EHBP1: variants seen among roughly 807,000 people sequenced by gnomAD.
EHBP1 encodes the protein EH domain binding protein 1, also known as EH domain-binding protein 1.
A neutral mutation model predicts 144.0 loss-of-function variants in EHBP1; 55 were observed. The ratio of observed to expected loss-of-function variants is 0.38; its 90% CI spans 0.31 to 0.48. The LOEUF (loss-of-function observed/expected upper bound fraction) is 0.48, where lower values mean the gene tolerates loss of function less well. Among genes scored for constraint, EHBP1 ranks in the 20% least tolerant of loss-of-function variants. The probability of loss-of-function intolerance (pLI) is 0.98; values close to 1 mark genes in which losing one functional copy is unlikely to be tolerated. For synonymous variants in EHBP1, 469 were observed against 472.7 expected (o/e 0.99, Z 0.10); for missense variants, 1,200 against 1,364.2 (o/e 0.88, Z 1.90).
At chr2:62,713,931 G>A (rs1292179082) in intron 2 of EHBP1, among the ~76,000 whole-genome samples, 2 of 151,988 alleles carry the variant, frequency 1.3e-5, no homozygotes, top group Admixed American at 1.3e-4. Flanking sequence ...TTCAATTGTG[G>A]TGGGTTCTTT....
chr2:62,913,572 G>A (rs1388944710), intron 10 of EHBP1, among the ~76,000 whole-genome samples: 1 of 152,166 alleles, frequency 6.6e-6, no homozygotes, highest in Non-Finnish European at 1.5e-5. Flanking sequence ...GTACTTGTTA[G>A]TCATTTGGTG....
At chr2:62,812,570 A>G (rs1022103791) in intron 5 of EHBP1, among the ~76,000 whole-genome samples, 1 of 152,168 alleles carries the variant, frequency 6.6e-6, no homozygotes, top group African/African-American at 2.4e-5. Context: ...AGTAAAGGCT[A>G]TTCTGAGGAG....
intron 3 of EHBP1, among the ~76,000 whole-genome samples, chr2:62,754,435 G>A (rs945134064): frequency 1.3e-5 from 2 of 152,188 alleles, no homozygotes; most frequent in African/African-American, 4.8e-5. Context: ...GCTACTCGGG[G>A]TTTAGGGACC....
intron 2 of EHBP1, among the ~76,000 whole-genome samples, chr2:62,745,129 T>C (rs944610218): frequency 1.3e-5 from 2 of 152,052 alleles, no homozygotes; most frequent in Non-Finnish European, 2.9e-5. Context: ...AATTAACCAA[T>C]TGGGAGTTCC....
intron 19 of EHBP1, among the ~76,000 whole-genome samples, chr2:63,009,210 G>A (rs1201649028): frequency 6.6e-6 from 1 of 151,632 alleles, no homozygotes; most frequent in Non-Finnish European, 1.5e-5. Context: ...ATTCCCAAGA[G>A]AATACTTTAC....
At chr2:62,878,033 TAATG>T (rs1472916112) in intron 10 of EHBP1, among the ~76,000 whole-genome samples, 1 of 152,038 alleles carries the variant, frequency 6.6e-6, no homozygotes, top group African/African-American at 2.4e-5. Context: ...ACAAAAAAAT[TAATG>T]AACCCAAAAG....
intron 10 of EHBP1, among the ~76,000 whole-genome samples, chr2:62,900,682 G>GTATATATA (rs1445035888): frequency 6.2e-5 from 9 of 144,420 alleles, no homozygotes; most frequent in African/African-American, 1.7e-4. Context: ...GTGTGTGTAT[G>GTATATATA]TGTATATATA....
chr2:62,679,601 T>G (rs1288486084), intron 1 of EHBP1, among the ~76,000 whole-genome samples: 1 of 152,220 alleles, frequency 6.6e-6, no homozygotes, highest in Non-Finnish European at 1.5e-5. Context: ...GCAAGGATCT[T>G]AGAAAATTTC....
chr2:62,853,756 C>CT (rs1283242953), intron 7 of EHBP1, among the ~76,000 whole-genome samples: 6 of 152,182 alleles, frequency 3.9e-5, no homozygotes, highest in Non-Finnish European at 8.8e-5. Context: ...GAACTGTGTG[C>CT]TGCAGAAACA....
At chr2:62,905,274 G>A (rs2053706300) in intron 10 of EHBP1, among the ~76,000 whole-genome samples, 1 of 152,158 alleles carries the variant, frequency 6.6e-6, no homozygotes, top group Non-Finnish European at 1.5e-5. Context: ...GGACAAGGAA[G>A]GAGGAAAGAG....
chr2:62,871,921 A>G (rs558467419), intron 9 of EHBP1: 1 of 152,304 alleles, frequency 6.6e-6, no homozygotes, highest in South Asian at 2.1e-4. Context: ...CAATAAGCCA[A>G]TATTATTTTT....
chr2:62,765,302 T>C (rs1379573178), intron 4 of EHBP1, among the ~76,000 whole-genome samples: 1 of 152,164 alleles, frequency 6.6e-6, no homozygotes, highest in African/African-American at 2.4e-5. Context: ...AATTATTCTT[T>C]GGTAAAAATT....
chr2:62,994,900 T>C (rs540205393), intron 18 of EHBP1, among the ~76,000 whole-genome samples: 1 of 152,290 alleles, frequency 6.6e-6, no homozygotes, highest in Admixed American at 6.5e-5. Context: ...TTAACTATAC[T>C]ATGTACTCAC....
chr2:62,957,882 G>A (rs1204563995), intron 14 of EHBP1, among the ~76,000 whole-genome samples: 7 of 151,836 alleles, frequency 4.6e-5, no homozygotes, highest in Admixed American at 2.6e-4. Context: ...TCCTGACCTC[G>A]TGATCCGCCC....
intron 15 of EHBP1, among the ~76,000 whole-genome samples, chr2:62,981,384 A>G (rs560731477): frequency 6.6e-6 from 1 of 152,346 alleles, no homozygotes; most frequent in East Asian, 1.9e-4. Flanking sequence ...TCCTGAAGCT[A>G]TTAATGCCAC....
intron 1 of EHBP1, among the ~76,000 whole-genome samples, chr2:62,682,547 A>G (rs1443569255): frequency 6.6e-6 from 1 of 152,232 alleles, no homozygotes; most frequent in Non-Finnish European, 1.5e-5. Context: ...TCAGCCTGGA[A>G]TGAGGATATC....
At position 63,038,731 on chromosome 2, in the gene EHBP1, C is replaced by T; in HGVS notation, c.3204-12C>T. ...TAATTAGCATATTGATGAACTTTTG[C>T]AACTTGCCCAGGGAAAAAGAACATG... is the stretch of plus-strand genomic sequence containing the variant. On this transcript the variant is annotated splice_polypyrimidine_tract_variant and intron_variant, in intron 20 of 22. Coordinates refer to ENST00000431489, the MANE Select transcript of EHBP1 (RefSeq NM_001142616.3). 1 of 1,611,878 alleles carries T rather than the reference C, an allele frequency of 6.2e-7. No individual in the cohort carries two copies. Among genetic ancestry groups the T allele is most frequent in the Non-Finnish European group, 8.5e-7 (1 of 1,178,458 alleles).
chr2:62,688,013 G>A (rs1254191906), intron 1 of EHBP1, among the ~76,000 whole-genome samples: 1 of 152,184 alleles, frequency 6.6e-6, no homozygotes, highest in East Asian at 1.9e-4. Flanking sequence ...GTAGACTCTG[G>A]AAATTATTCC....
intron 1 of EHBP1, among the ~76,000 whole-genome samples, chr2:62,681,507 A>T (rs1356460129): frequency 6.6e-6 from 1 of 151,530 alleles, no homozygotes; most frequent in African/African-American, 2.4e-5. Flanking sequence ...CAATAGCACA[A>T]TTCCATACTA....
Sources: allele counts gnomAD v4.1 joint callset (sites outside exome capture counted in the v4.1 genomes callset), GRCh38; gene constraint gnomAD v4.1.1; transcripts MANE v1.5; gene names NCBI Gene and HGNC (gene_info 2026-07-23, HGNC 2026-07-21).